Variants in SLC24A5 observed in about 807,000 individuals in gnomAD.
SLC24A5 encodes sodium/potassium/calcium exchanger 5.
Under a neutral mutation model 51.6 loss-of-function variants are expected in SLC24A5, and 46 were observed. The ratio of observed to expected loss-of-function variants is 0.89; its 90% confidence interval spans 0.70 to 1.14. The LOEUF is 1.14. SLC24A5 is among the 50% of genes most tolerant of loss of function. The pLI is 0.00. For missense variants in SLC24A5, 581 were observed against 604.1 expected, an observed-to-expected ratio of 0.96 and a Z score of 0.40; for synonymous variants, 230 against 214.9, an observed-to-expected ratio of 1.07 and a Z score of -0.62.
At chr15:48,123,987 C>CTCTT (rs1218073589) in intron 2 of SLC24A5, 1 of 151,890 alleles carries the variant, frequency 6.6e-6, no homozygotes, top group East Asian at 1.9e-4. Context: ...GGTATTCTGT[C>CTCTT]TCTTTCTTAT....
chr15:48,139,108 C>T lies in SLC24A5; in HGVS notation c.1011C>T (p.Thr337=), dbSNP rs757226848. 1.2e-6 allele frequency: 2 copies of T among 1,613,080 alleles called. No individual in the cohort carries two copies. Among genetic ancestry groups the T allele is most frequent in the Admixed American group, 1.7e-5 (1 of 59,982 alleles). ...KKFWKNYFVI[T]FFMSAIWISA... ...TTTGGAAAAACTACTTTGTGATAAC[C>T]TTTTTCATGTCTGCAATATGGATAT... The change falls in exon 7 of 9, where the codon ACC becomes ACT. Residue 337 remains threonine (T), a synonymous_variant. Transcript: ENST00000341459.
rs557204256 is a variant in SLC24A5 at position 48,139,298 on chromosome 15, C to T, written c.1078+123C>T. 7.0e-5 allele frequency: 50 copies of T among 716,212 alleles called. 1 individual carries two copies. The South Asian group carries it at 9.5e-4, about 14-fold the overall frequency. 44.4% of individuals were successfully genotyped at this position (716,212 alleles called of 1,614,324 possible). ...TTTTCAGCAAGATTGAAGATTAGTA[C>T]CATTTACAAAATGATTAAGTATTAC... On this transcript the variant is annotated intron_variant, in intron 7 of 8. Transcript: ENST00000341459.
intron 2 of SLC24A5, among the ~76,000 whole-genome samples, chr15:48,132,089 T>A (rs1379918283): frequency 6.6e-6 from 1 of 152,134 alleles, no homozygotes; most frequent in Non-Finnish European, 1.5e-5. Flanking sequence ...GCCTATTACC[T>A]TTAATCTCAT....
At chr15:48,134,650 T>C in intron 4 of SLC24A5, 112 bp downstream of exon 4, 4 of 810,146 alleles carry the variant, frequency 4.9e-6, no homozygotes, top group Non-Finnish European at 5.9e-6. Context: ...ATCAAATTTA[T>C]TAATCAGTAG....
intron 2 of SLC24A5, among the ~76,000 whole-genome samples, chr15:48,133,158 CAA>C (rs2038812421): frequency 6.6e-6 from 1 of 152,024 alleles, no homozygotes; most frequent in African/African-American, 2.4e-5. Context: ...ACTGAAGCGT[CAA>C]AAACCAATAG....
intron 7 of SLC24A5, 120 bp from the exon 8 acceptor site, chr15:48,140,993 G>A (rs2039060911): frequency 1.4e-6 from 1 of 728,674 alleles, no homozygotes; most frequent in African/African-American, 1.8e-5. Flanking sequence ...AGCACATATT[G>A]GCTCTGAATT....
rs555994428 is a variant in SLC24A5, at chr15:48,134,907, C to T, written c.513C>T (p.Pro171=). The change falls in exon 5 of 9, where the codon CCC becomes CCT. Residue 171 remains proline, a synonymous_variant. Coordinates refer to ENST00000341459, the MANE Select transcript of SLC24A5 (RefSeq NM_205850.3). ...SNTVSTLSCW[P]LFRDCAAYTI... ...AGGTCTCAACACTATCATGTTGGCC[C>T]CTATTCAGAGACTGTGCAGCGTACA... The T allele has an allele frequency of 7.3e-5, 118 of 1,611,702 alleles. 2 individuals carry two copies. In the South Asian group the frequency reaches 1.2e-3, roughly 16 times the overall value.
At chr15:48,141,023 T>C in intron 7 of SLC24A5, 90 bp from the exon 8 acceptor site, 3 of 1,046,532 alleles carry the variant, frequency 2.9e-6, no homozygotes, top group Non-Finnish European at 4.3e-6. Flanking sequence ...CCTATTTTAT[T>C]TTTGTTCACG....
intron 7 of SLC24A5, 185 bp from the exon 8 acceptor site, chr15:48,140,928 T>A: frequency 2.0e-6 from 1 of 497,360 alleles, no homozygotes; most frequent in Non-Finnish European, 3.6e-6. Context: ...CTACCTGGGT[T>A]ACCCGAATTA....
At chr15:48,140,364 G>A (rs1055811167) in intron 7 of SLC24A5, 7 of 151,482 alleles carry the variant, frequency 4.6e-5, no homozygotes, top group African/African-American at 1.7e-4. Context: ...TATTTTAGTT[G>A]GCATTTTAAG....
In SLC24A5 at chr15:48,139,005, TAAAAAG is replaced by T. The variant is rs766056074; in HGVS notation, c.911_916del (p.Lys304_Arg305del). 12 of 1,613,012 alleles carry T rather than the reference TAAAAAG, an allele frequency of 7.4e-6. No homozygotes were observed. Among genetic ancestry groups the T allele is most frequent in the Admixed American group, 1.7e-5 (1 of 59,990 alleles). On this transcript the variant is annotated inframe_deletion, in exon 7 of 9. Coordinates refer to ENST00000341459, the MANE Select transcript of SLC24A5 (RefSeq NM_205850.3). ...GTTTTCAACATGCCTGAAGCAGACT[TAAAAAG>T]AATTTTTTGGGTATTATCCCTTCCT...
intron 5 of SLC24A5, chr15:48,136,472 A>C (rs559166431): frequency 4.6e-5 from 18 of 395,512 alleles, no homozygotes; most frequent in East Asian, 1.5e-4. Flanking sequence ...AAAAAAAAAA[A>C]AACAACACAG....
In SLC24A5 at chr15:48,121,991, G is replaced by T; in HGVS notation, c.256G>T (p.Val86Phe). Residue 86 changes from valine (V) to phenylalanine (F), a missense_variant, in exon 2 of 9, where the codon GTC (valine) becomes TTC (phenylalanine). Physicochemically the swap from Val to Phe is conservative, Grantham distance 50. Transcript: ENST00000341459. ...IVYMFMAISI[V>F]CDEYFLPSLE... ...TTACATGTTCATGGCCATATCTATT[G>T]TCTGTGATGAATACTTCCTACCCTC... is the stretch of plus-strand genomic sequence containing the variant. The T allele has an allele frequency of 6.2e-7, 1 of 1,614,170 alleles. No individual in the cohort carries two copies. Among genetic ancestry groups the T allele is most frequent in the Non-Finnish European group, 8.5e-7 (1 of 1,180,018 alleles).
At position 48,136,686 on chromosome 15, in the gene SLC24A5, T is replaced by G. The variant is rs199825911; in HGVS notation, c.594T>G (p.Tyr198Ter). Residue 198 changes from tyrosine to a stop codon, truncating the protein, a stop_gained, in exon 6 of 9, where the codon TAT (tyrosine) becomes TAG (stop). Transcript: ENST00000341459. LOFTEE classifies it high-confidence loss of function. ...GIIYDNQVYW[Y>*]EGALLLLIYG... is the part of the protein sequence containing the mutation. ...AACACAAATTTCTCTTTTGTAGGTA[T>G]GAAGGGGCTTTACTGCTTTTGATAT... 2 of 1,600,134 alleles carry G rather than the reference T, an allele frequency of 1.2e-6. No homozygotes were observed. Among genetic ancestry groups the G allele is most frequent in the Non-Finnish European group, 1.7e-6 (2 of 1,172,686 alleles).
At chr15:48,134,016 T>G (rs1182372081) in intron 2 of SLC24A5, among the ~76,000 whole-genome samples, 1 of 152,170 alleles carries the variant, frequency 6.6e-6, no homozygotes, top group Non-Finnish European at 1.5e-5. Flanking sequence ...CAAATAACCC[T>G]ATGTTTGGCA....
intron 2 of SLC24A5, chr15:48,123,275 T>C (rs900106004): frequency 6.6e-6 from 1 of 151,946 alleles, no homozygotes; most frequent in Admixed American, 6.6e-5. Flanking sequence ...ATATTTTCTT[T>C]AATAAAGATT....
At chr15:48,134,211 T>C (rs773544091) in intron 2 of SLC24A5, 47 bp from the exon 3 acceptor site, 3 of 1,502,340 alleles carry the variant, frequency 2.0e-6, no homozygotes, top group South Asian at 2.3e-5. Context: ...TGTAAAGACA[T>C]ACTCTTTCAC....
intron 6 of SLC24A5, chr15:48,138,183 C>G (rs966899781): frequency 1.3e-5 from 2 of 151,964 alleles, no homozygotes; most frequent in African/African-American, 2.4e-5. Flanking sequence ...GCTTGGCAAA[C>G]TTTTTATGAG....
intron 2 of SLC24A5, chr15:48,123,675 T>C (rs538539892): frequency 6.6e-6 from 1 of 152,298 alleles, no homozygotes; most frequent in South Asian, 2.1e-4. Context: ...ATGCCCATAA[T>C]TGTATAAAAT....
Sources: gnomAD v4.1 joint callset for allele counts (sites outside exome capture counted in the v4.1 genomes callset) on GRCh38, gnomAD v4.1.1 for gene constraint, MANE v1.5 for transcripts, NCBI Gene and HGNC (gene_info 2026-07-23, HGNC 2026-07-21) for gene names.